Variants in HDAC9 observed in about 807,000 individuals in gnomAD.
HDAC9 encodes the protein histone deacetylase 9, also known as MEF-2 interacting transcription repressor (MITR) protein.
HDAC9 carries 41 observed loss-of-function variants against 139.4 expected under a neutral mutation model. That is an observed-to-expected ratio of 0.29 (90% CI 0.23 to 0.38). The LOEUF is 0.38. Among genes scored for constraint, HDAC9 ranks in the 10% least tolerant of loss-of-function variants. The pLI is 1.00. For synonymous variants in HDAC9, 517 were observed against 476.2 expected (o/e 1.09, Z -1.12); for missense variants, 1,147 against 1,297.0 (o/e 0.88, Z 1.78).
chr7:18,801,055 C>A (rs968731846), intron 17 of HDAC9, among the ~76,000 whole-genome samples: 1 of 151,994 alleles, frequency 6.6e-6, no homozygotes, highest in Admixed American at 6.6e-5. Context: ...ATATCATCTG[C>A]AAATAATGAC....
rs541327908 is a variant in HDAC9 at position 18,948,100 on chromosome 7, T to A, written c.2938-6046T>A. Among the ~76,000 whole-genome samples, 323 of 152,086 alleles carry A rather than the reference T, an allele frequency of 2.1e-3. 3 individuals are homozygous for A. Among genetic ancestry groups the A allele is most frequent in the African/African-American group, 5.9e-3 (245 of 41,554 alleles). On this transcript the variant is annotated intron_variant, in intron 23 of 25. Transcript: ENST00000686413. ...TGATAAAGGATAGCTACAAAATAAA[T>A]TCCACAGTATACATCAGGTTTAAAG...
At chr7:18,629,873 A>G (rs1033553854) in intron 7 of HDAC9, among the ~76,000 whole-genome samples, 1 of 152,166 alleles carries the variant, frequency 6.6e-6, no homozygotes. Flanking sequence ...GAATGTACAA[A>G]ATACATCTGG....
At chr7:18,853,496 T>C (rs1344392269) in intron 21 of HDAC9, among the ~76,000 whole-genome samples, 1 of 152,204 alleles carries the variant, frequency 6.6e-6, no homozygotes, top group Non-Finnish European at 1.5e-5. Context: ...TTGTTTTGTT[T>C]GGCTTCTGAA....
chr7:18,271,295 A>G (rs1273100120), intron 2 of HDAC9, among the ~76,000 whole-genome samples: 1 of 152,136 alleles, frequency 6.6e-6, no homozygotes, highest in Non-Finnish European at 1.5e-5. Flanking sequence ...CTATGTATTG[A>G]TTTGTGTATT....
intron 25 of HDAC9, among the ~76,000 whole-genome samples, chr7:18,991,284 A>G (rs1306542665): frequency 6.6e-6 from 1 of 152,236 alleles, no homozygotes; most frequent in African/African-American, 2.4e-5. Flanking sequence ...CAAAATTCAC[A>G]AAATACGAAC....
At chr7:18,922,616 G>A (rs1468198460) in intron 22 of HDAC9, among the ~76,000 whole-genome samples, 1 of 152,000 alleles carries the variant, frequency 6.6e-6, no homozygotes, top group Non-Finnish European at 1.5e-5. Context: ...TTAACCAAAG[G>A]TTAAACTCCA....
At chr7:18,848,979 C>G (rs1234095667) in intron 21 of HDAC9, among the ~76,000 whole-genome samples, 1 of 152,142 alleles carries the variant, frequency 6.6e-6, no homozygotes, top group Non-Finnish European at 1.5e-5. Flanking sequence ...AAACTCCCAG[C>G]TCCCCACATC....
exon 2 of HDAC9, chr7:18,162,327 G>A: frequency 6.5e-7 from 1 of 1,535,306 alleles, no homozygotes; most frequent in Middle Eastern, 1.7e-4. Flanking sequence ...TGATTCTCAT[G>A]ATGAGCTCAC....
intron 22 of HDAC9, among the ~76,000 whole-genome samples, chr7:18,924,957 A>G (rs959729937): frequency 6.6e-5 from 10 of 152,188 alleles, no homozygotes; most frequent in African/African-American, 2.4e-4. Flanking sequence ...GCTGTGCTCA[A>G]AGTTAAAATG....
At chr7:18,102,725 C>G (rs1782930973) in intron 1 of HDAC9, among the ~76,000 whole-genome samples, 1 of 152,142 alleles carries the variant, frequency 6.6e-6, no homozygotes, top group Non-Finnish European at 1.5e-5. Flanking sequence ...CTTAGCCTTC[C>G]TTGCAGCTAA....
chr7:18,902,507 G>A (rs1424745501), intron 22 of HDAC9, among the ~76,000 whole-genome samples: 1 of 152,158 alleles, frequency 6.6e-6, no homozygotes, highest in Non-Finnish European at 1.5e-5. Context: ...TTTCCCCAAA[G>A]ATTCGTTTGG....
chr7:18,348,874 G>A (rs140633057), intron 1 of HDAC9, among the ~76,000 whole-genome samples: 152 of 152,220 alleles, frequency 1.0e-3, no homozygotes, highest in African/African-American at 3.5e-3. Context: ...AATCTTCACA[G>A]TAGTAGTGCA....
At chr7:18,843,264 G>A (rs929677739) in intron 21 of HDAC9, among the ~76,000 whole-genome samples, 1 of 152,010 alleles carries the variant, frequency 6.6e-6, no homozygotes, top group Non-Finnish European at 1.5e-5. Context: ...TATAACCCTT[G>A]CCTGCACAAA....
intron 1 of HDAC9, among the ~76,000 whole-genome samples, chr7:18,426,495 A>G (rs1376308684): frequency 3.3e-5 from 5 of 152,206 alleles, no homozygotes; most frequent in African/African-American, 4.8e-5. Context: ...ATTTACATAC[A>G]TTGAGGGCAT....
intron 21 of HDAC9, among the ~76,000 whole-genome samples, chr7:18,855,012 G>A (rs976551777): frequency 2.6e-5 from 4 of 152,000 alleles, no homozygotes; most frequent in Admixed American, 2.6e-4. Flanking sequence ...TAATATAATG[G>A]GAAAATGGAT....
intron 8 of HDAC9, among the ~76,000 whole-genome samples, chr7:18,641,793 C>T (rs1785676161): frequency 6.6e-6 from 1 of 152,026 alleles, no homozygotes; most frequent in South Asian, 2.1e-4. Context: ...GAATGCTAGT[C>T]AGGATCTTTC....
chr7:18,382,964 G>T (rs116347412), intron 1 of HDAC9, among the ~76,000 whole-genome samples: 1 of 152,078 alleles, frequency 6.6e-6, no homozygotes, highest in Admixed American at 6.5e-5. Flanking sequence ...TGGAAAATCC[G>T]TGACTAAATG....
chr7:18,714,990 T>C (rs1784597942), intron 12 of HDAC9, among the ~76,000 whole-genome samples: 1 of 152,214 alleles, frequency 6.6e-6, no homozygotes, highest in African/African-American at 2.4e-5. Context: ...TTGTGATATT[T>C]ATTTTTAAGT....
At chr7:18,426,883 TAACA>T (rs1790164647) in intron 1 of HDAC9, among the ~76,000 whole-genome samples, 1 of 152,176 alleles carries the variant, frequency 6.6e-6, no homozygotes, top group African/African-American at 2.4e-5. Flanking sequence ...ACATTTCACA[TAACA>T]CTTTGGGAAG....
Sources: gnomAD v4.1 joint callset for allele counts (sites outside exome capture counted in the v4.1 genomes callset) on GRCh38, gnomAD v4.1.1 for gene constraint, MANE v1.5 for transcripts, NCBI Gene and HGNC (gene_info 2026-07-23, HGNC 2026-07-21) for gene names.